The following CYGB variants were observed in gnomAD, a reference collection of about 807,000 sequenced individuals.
The protein encoded by CYGB is cytoglobin, also known as histoglobin.
Under a neutral mutation model 20.7 loss-of-function variants are expected in CYGB, and 13 were observed. The observed-to-expected ratio is 0.63, with a 90% CI of 0.41 to 1.00. The LOEUF is 1.00. Ranked by LOEUF, CYGB falls within the 50% of genes least tolerant of loss-of-function variation. The probability of loss-of-function intolerance (pLI) is 0.00; values close to 1 mark genes in which losing one functional copy is unlikely to be tolerated. For synonymous variants in CYGB, 93 were observed against 107.4 expected, an observed-to-expected ratio of 0.87 and a Z score of 0.83; for missense variants, 218 against 257.2, an observed-to-expected ratio of 0.85 and a Z score of 1.04.
intron 3 of CYGB, chr17:76,529,893 G>C: frequency 2.0e-6 from 2 of 985,316 alleles, no homozygotes; most frequent in Non-Finnish European, 2.4e-6. Flanking sequence ...CCACTCTCTT[G>C]GGGTGGTGCT....
At chr17:76,543,246 C>G (rs769464726) in intron 1 of CYGB, 1 of 367,700 alleles carries the variant, frequency 2.7e-6, no homozygotes, top group African/African-American at 2.1e-5. Context: ...TGCTCTCGGA[C>G]GGGCTTCCTT....
chr17:76,539,538 T>G (rs898847459), upstream of CYGB, among the ~76,000 whole-genome samples: 2 of 152,206 alleles, frequency 1.3e-5, no homozygotes, highest in African/African-American at 4.8e-5. Flanking sequence ...TCTCTCTGGC[T>G]TCATTATCCA....
chr17:76,550,693 C>A (rs181209229), intron 1 of CYGB: 1 of 152,114 alleles, frequency 6.6e-6, no homozygotes, highest in Non-Finnish European at 1.5e-5. Flanking sequence ...GTAAGTTACA[C>A]GAGAATAAAG....
intron 3 of CYGB, chr17:76,529,885 ACT>A: frequency 1.0e-6 from 1 of 984,128 alleles, no homozygotes; most frequent in Non-Finnish European, 1.2e-6. Flanking sequence ...CGAGGACTCC[ACT>A]CTCTTGGGGT....
At chr17:76,537,332 G>T (rs2074928795) in intron 1 of CYGB, 68 bp downstream of exon 1, 2 of 1,466,390 alleles carry the variant, frequency 1.4e-6, no homozygotes, top group East Asian at 6.0e-5. Flanking sequence ...CCCGGGCCCA[G>T]CCCTCCTCTG....
At position 76,527,763 on chromosome 17, in the gene CYGB, T is replaced by C. The variant is rs918157070; in HGVS notation, c.*815A>G. 4.4e-6 allele frequency: 2 copies of C among 453,934 alleles called. No individual in the cohort carries two copies. The highest frequency in any genetic ancestry group is 4.4e-6 in the Non-Finnish European group (1 of 226,742). 28.1% of individuals were successfully genotyped at this position (453,934 alleles called of 1,614,324 possible). A position where few individuals can be genotyped will look rare whatever the true frequency, so the allele number is the denominator to read the frequency against. ...GAGCTAGCGGTCGAGGTTTCTGGAC[T>C]GAGGCCCCTCCCCCAGTGCGGTCAT... On this transcript the variant is annotated 3_prime_UTR_variant, in exon 4 of 4. Transcript: ENST00000293230.
intron 1 of CYGB, chr17:76,542,951 G>A (rs1008114416): frequency 4.4e-5 from 23 of 521,690 alleles, no homozygotes; most frequent in Middle Eastern, 6.0e-4. Context: ...GGCGGTGCTC[G>A]GAAACATCCA....
At chr17:76,536,251 C>T (rs904637063) in intron 1 of CYGB, among the ~76,000 whole-genome samples, 1 of 152,172 alleles carries the variant, frequency 6.6e-6, no homozygotes, top group Non-Finnish European at 1.5e-5. Flanking sequence ...GAGTTGGAAT[C>T]AGGGCATATC....
chr17:76,531,986 C>T lies in CYGB; in HGVS notation c.144-295G>A, dbSNP rs2074850328. The T allele has an allele frequency of 3.2e-6, 1 of 316,084 alleles. No homozygotes were observed. The allele number at this position is 316,084 out of a possible 1,614,324, so 19.6% of individuals were successfully genotyped here. A position where few individuals can be genotyped will look rare whatever the true frequency, so the allele number is the denominator to read the frequency against. On this transcript the variant is annotated intron_variant, in intron 1 of 3. Transcript: ENST00000293230. This position sits in a 1 kb window ranked among gnomAD's most constrained non-coding sequence, Gnocchi z 7.4. The stretch of plus-strand genomic sequence containing the variant: ...GCTTCCTTCCCAAACTCTACACCCC[C>T]TTCAAGCCCTGCTCTAGTCATAGCC...
At position 76,533,449 on chromosome 17, in the gene CYGB, G is replaced by A. The variant is rs2074872624; in HGVS notation, c.144-1758C>T. 6.6e-6 allele frequency among the ~76,000 whole-genome samples: 1 copy of A among 152,240 alleles called. No homozygotes were observed. Among genetic ancestry groups the A allele is most frequent in the Non-Finnish European group, 1.5e-5 (1 of 68,046 alleles). ...CAATAAAAAATAATGATATGGCCGG[G>A]CACGGTGGCTCACGCCTATAATCCT... is the stretch of plus-strand genomic sequence containing the variant. On this transcript the variant is annotated intron_variant, in intron 1 of 3. Coordinates refer to ENST00000293230, the MANE Select transcript of CYGB (RefSeq NM_134268.5). This position sits in a 1 kb window ranked among gnomAD's most constrained non-coding sequence, Gnocchi z 4.5.
chr17:76,548,018 G>A (rs1299532272), intron 1 of CYGB, among the ~76,000 whole-genome samples: 1 of 149,528 alleles, frequency 6.7e-6, no homozygotes, highest in Non-Finnish European at 1.5e-5. Flanking sequence ...ACATACACAT[G>A]CATACACAGA....
At chr17:76,542,662 C>A (rs544637690), upstream of CYGB, 318 of 1,459,544 alleles carry the variant, frequency 2.2e-4, 5 homozygotes, top group South Asian at 3.4e-3. Flanking sequence ...CCGGGGAGGG[C>A]AGAGGGCAAG....
chr17:76,537,641 G>T lies in CYGB; in HGVS notation c.-99C>A. The T allele has an allele frequency of 1.0e-6, 1 of 967,046 alleles. No individual in the cohort carries two copies. 59.9% of individuals were successfully genotyped at this position (967,046 alleles called of 1,614,324 possible). A position where few individuals can be genotyped will look rare whatever the true frequency, so the allele number is the denominator to read the frequency against. Reference sequence around the variant, plus strand: ...CCGGGAGCCGGGGCCGGCTGCGTGCGCGGCGGGCGGGCGAGGGGTAGAGCG... The same window carrying T: ...CCGGGAGCCGGGGCCGGCTGCGTGCTCGGCGGGCGGGCGAGGGGTAGAGCG... On this transcript the variant is annotated 5_prime_UTR_variant, in exon 1 of 4. Coordinates refer to ENST00000293230, the MANE Select transcript of CYGB (RefSeq NM_134268.5).
intron 1 of CYGB, chr17:76,545,513 G>T: frequency 2.6e-6 from 1 of 383,414 alleles, no homozygotes; most frequent in Admixed American, 3.0e-5. Flanking sequence ...CAAAGGGTGG[G>T]GTCCCTTCTG....
upstream of CYGB, among the ~76,000 whole-genome samples, chr17:76,541,844 T>G (rs1428652223): frequency 6.6e-6 from 1 of 152,202 alleles, no homozygotes; most frequent in Non-Finnish European, 1.5e-5. Context: ...TGGGGGAAAT[T>G]TATGCAATCA....
Position 76,530,765 on chromosome 17 carries a change from C to T in CYGB, c.539+214G>A, listed in dbSNP as rs1041079709. ...TCTTTGGGAGGATTTTTGCTCAGGG[C>T]TCATGGCTCTGAGCAGCCTGAAGTC... On this transcript the variant is annotated intron_variant, in intron 3 of 3. Coordinates refer to ENST00000293230, the MANE Select transcript of CYGB (RefSeq NM_134268.5). This position sits in a 1 kb window ranked among gnomAD's most constrained non-coding sequence, Gnocchi z 6.1. Among the ~76,000 whole-genome samples, 7 of 152,124 alleles carry T rather than the reference C, an allele frequency of 4.6e-5. No individual in the cohort carries two copies. Among genetic ancestry groups the T allele is most frequent in the African/African-American group, 1.7e-4 (7 of 41,420 alleles).
chr17:76,537,441 G>C lies in CYGB; in HGVS notation c.102C>G (p.Leu34=), dbSNP rs370725343. 3.1e-5 allele frequency: 49 copies of C among 1,598,852 alleles called. No homozygotes were observed. The highest frequency in any genetic ancestry group is 3.8e-5 in the Non-Finnish European group (45 of 1,173,090). ...RKAVQAMWAR[L]YANCEDVGVA... Reference sequence around the variant, plus strand: ...CCCCCACGTCCTCGCAGTTGGCATAGAGCCGGGCCCACATAGCCTGCACCG... The same window carrying C: ...CCCCCACGTCCTCGCAGTTGGCATACAGCCGGGCCCACATAGCCTGCACCG... The change falls in exon 1 of 4, where the codon CTC becomes CTG. Residue 34 remains leucine (L), a synonymous_variant. Transcript: ENST00000293230.
chr17:76,547,643 TCA>T (rs56118010), intron 1 of CYGB, among the ~76,000 whole-genome samples: 93,881 of 149,810 alleles, frequency 0.63, 32,651 homozygotes, highest in East Asian at 0.87. Context: ...ACACACACAT[TCA>T]CACACACACA....
At chr17:76,535,267 T>C (rs536128927) in intron 1 of CYGB, among the ~76,000 whole-genome samples, 2 of 152,076 alleles carry the variant, frequency 1.3e-5, no homozygotes, top group South Asian at 2.1e-4. Context: ...CCTGGCGCAG[T>C]GGGGAGGGCA....
Sources: allele counts gnomAD v4.1 joint callset (sites outside exome capture counted in the v4.1 genomes callset), GRCh38; gene constraint gnomAD v4.1.1; non-coding constraint Gnocchi (gnomAD v3.1); transcripts MANE v1.5; gene names NCBI Gene and HGNC (gene_info 2026-07-23, HGNC 2026-07-21).